Variants in INSR observed in about 807,000 individuals in gnomAD.
INSR encodes insulin receptor.
In INSR, 67 loss-of-function variants were observed where a neutral mutation model predicts 142.6. The observed-to-expected ratio is 0.47, with a 90% CI of 0.39 to 0.58. INSR has a LOEUF of 0.58. Among genes scored for constraint, INSR ranks in the 20% least tolerant of loss-of-function variants. INSR has a pLI of 0.00. For synonymous variants in INSR, 756 were observed against 743.1 expected, an observed-to-expected ratio of 1.02 and a Z score of -0.28; for missense variants, 1,248 against 1,833.2, an observed-to-expected ratio of 0.68 and a Z score of 5.83.
chr19:7,143,221 G>A (rs1300540048), intron 11 of INSR, 131 bp from the exon 12 acceptor site: 1 of 974,034 alleles, frequency 1.0e-6, no homozygotes, highest in Non-Finnish European at 1.6e-6. Flanking sequence ...TGGGGAACAT[G>A]GATTACAATA....
intron 2 of INSR, among the ~76,000 whole-genome samples, chr19:7,204,802 C>T (rs1381833512): frequency 3.9e-5 from 6 of 152,146 alleles, no homozygotes; most frequent in African/African-American, 1.2e-4. Context: ...TGGGTAGAGC[C>T]GGGCGCAGTG....
chr19:7,239,008 G>A (rs73490774), intron 2 of INSR, among the ~76,000 whole-genome samples: 5,133 of 135,088 alleles, frequency 0.038, 330 homozygotes, highest in African/African-American at 0.13. Context: ...TCAATTTTAT[G>A]ATGCATGTCC....
At position 7,119,641 on chromosome 19, in the gene INSR, C is replaced by T. The variant is rs113761062; in HGVS notation, c.3660-58G>A. 101 of 1,595,800 alleles carry T rather than the reference C, an allele frequency of 6.3e-5. 1 individual carries two copies. Among genetic ancestry groups the T allele is most frequent in the African/African-American group, 3.5e-4 (26 of 74,228 alleles). On this transcript the variant is annotated intron_variant, in intron 20 of 21. Coordinates refer to ENST00000302850, the MANE Select transcript of INSR (RefSeq NM_000208.4). The surrounding 1 kb of genome is among the most constrained non-coding windows in gnomAD (Gnocchi z 5.2). ...AGCCATTTAGACACACACACACACG[C>T]GCGCGCGCAAACACACACACGCAAA...
chr19:7,241,478 C>A (rs1976340797), intron 2 of INSR, among the ~76,000 whole-genome samples: 2 of 152,010 alleles, frequency 1.3e-5, no homozygotes. Context: ...AAAACTTTGC[C>A]AGGCATAGTG....
rs144029037 is a variant in INSR, at chr19:7,132,302, C to T, written c.2698G>A (p.Val900Ile). 4.8e-5 allele frequency: 77 copies of T among 1,614,054 alleles called. No individual in the cohort carries two copies. The highest frequency in any genetic ancestry group is 3.5e-4 in the African/African-American group (26 of 75,044). ...RYGDEELHLC[V>I]SRKHFALERG... ...TCCAGAGCGAAGTGCTTGCGGGAGA[C>T]GCAGAGATGCAGCTCCTGGGAGGAA... The change falls in exon 14 of 22, where the codon GTC becomes ATC. Residue 900 changes from valine to isoleucine, a missense_variant. Coordinates refer to ENST00000302850, the MANE Select transcript of INSR (RefSeq NM_000208.4).
At chr19:7,137,460 G>A (rs1271614134) in intron 13 of INSR, among the ~76,000 whole-genome samples, 1 of 151,846 alleles carries the variant, frequency 6.6e-6, no homozygotes, top group Non-Finnish European at 1.5e-5. Context: ...GACAACCAGG[G>A]GCTACTGGGC....
intron 9 of INSR, among the ~76,000 whole-genome samples, chr19:7,160,995 CAA>C (rs371302865): frequency 7.9e-5 from 8 of 101,788 alleles, no homozygotes; most frequent in Non-Finnish European, 1.6e-4. Flanking sequence ...GACTCCGTGT[CAA>C]AAAAAAAAAA....
intron 2 of INSR, among the ~76,000 whole-genome samples, chr19:7,242,661 C>T (rs1034019441): frequency 2.9e-5 from 4 of 137,216 alleles, no homozygotes; most frequent in Admixed American, 8.1e-5. Context: ...TGCTTGAACC[C>T]GGGAGGTGGA....
intron 2 of INSR, among the ~76,000 whole-genome samples, chr19:7,201,311 A>G (rs888948372): frequency 2.6e-5 from 4 of 152,148 alleles, no homozygotes; most frequent in African/African-American, 9.7e-5. Flanking sequence ...AATATTTCCA[A>G]AATTGTTAGT....
intron 2 of INSR, among the ~76,000 whole-genome samples, chr19:7,193,776 G>T (rs921482680): frequency 6.6e-6 from 1 of 151,862 alleles, no homozygotes. Context: ...CGTAACCTCC[G>T]CCTCCCAGGT....
intron 3 of INSR, among the ~76,000 whole-genome samples, chr19:7,182,364 T>C (rs993103467): frequency 6.6e-6 from 1 of 151,372 alleles, no homozygotes; most frequent in Non-Finnish European, 1.5e-5. Flanking sequence ...CAAAAAAAAA[T>C]TGGCCAGGCT....
intron 2 of INSR, among the ~76,000 whole-genome samples, chr19:7,243,285 G>T (rs958555676): frequency 1.1e-4 from 12 of 112,892 alleles, no homozygotes; most frequent in Non-Finnish European, 1.6e-4. Context: ...TAGCTCTACT[G>T]CCCAGGCTGG....
At chr19:7,235,377 T>A (rs1976125550) in intron 2 of INSR, among the ~76,000 whole-genome samples, 1 of 152,156 alleles carries the variant, frequency 6.6e-6, no homozygotes, top group South Asian at 2.1e-4. Flanking sequence ...CCTAAAATTA[T>A]CGCTCTCAAC....
rs1568217171 is a variant in INSR, at chr19:7,249,697, A to T, written c.652+17648T>A. ...ACTCCATCTGTACAAAAAATAAATT[A>T]AAAAAAAATTAGCGGCTGGGCGCGG... is the stretch of plus-strand genomic sequence containing the variant. On this transcript the variant is annotated intron_variant, in intron 2 of 21. Transcript: ENST00000302850. Among the ~76,000 whole-genome samples the T allele has an allele frequency of 2.6e-5, 4 of 151,664 alleles. No homozygotes were observed. The South Asian group carries it at 8.3e-4, about 32-fold the overall frequency.
Position 7,168,012 on chromosome 19 carries a change from G to A in INSR, c.1566C>T (p.Pro522=), listed in dbSNP as rs546462100. 73 of 1,613,730 alleles carry A rather than the reference G, an allele frequency of 4.5e-5. No homozygotes were observed. The highest frequency in any genetic ancestry group is 2.5e-4 in the East Asian group (11 of 44,874). The change falls in exon 7 of 22, where the codon CCC becomes CCT. Residue 522 remains proline, a synonymous_variant. Coordinates refer to ENST00000302850, the MANE Select transcript of INSR (RefSeq NM_000208.4). The surrounding 1 kb of genome is among the most constrained non-coding windows in gnomAD (Gnocchi z 4.3). ...TGAACCCCAAGAGGTCTCGGAAGTC[G>A]GGGGGCCAGTACGGCTCCCATCTCA... ...ILLRWEPYWP[P]DFRDLLGFML...
At chr19:7,257,257 C>CT (rs1449822711) in intron 2 of INSR, among the ~76,000 whole-genome samples, 2 of 151,960 alleles carry the variant, frequency 1.3e-5, no homozygotes, top group East Asian at 3.9e-4. Flanking sequence ...CCCACCTTAT[C>CT]TTTTTCTTTT....
Position 7,170,653 on chromosome 19 carries a change from T to C in INSR, c.1367A>G (p.His456Arg), listed in dbSNP as rs1973996501. The C allele has an allele frequency of 1.9e-6, 3 of 1,613,996 alleles. No homozygotes were observed. Among genetic ancestry groups the C allele is most frequent in the Non-Finnish European group, 2.5e-6 (3 of 1,179,988 alleles). The change falls in exon 6 of 22, where the codon CAC becomes CGC. Residue 456 changes from histidine (H) to arginine (R), a missense_variant. By Grantham distance (29) the His-to-Arg change is conservative. This residue lies in a region of INSR where 1,069 missense variants were observed against 1,654.0 expected (regional missense o/e 0.65). Transcript: ENST00000302850. ...TGACAAGCAGAGTTTGGGGTTATAG[T>C]GGAAGAAGAGTTTCCCCTGAGTGAT... ...LTITQGKLFFHYNPKLCLSEI... is the reference protein window; with the variant it reads ...LTITQGKLFFRYNPKLCLSEI...
chr19:7,222,127 TAAAA>T (rs57114939), intron 2 of INSR, among the ~76,000 whole-genome samples: 9 of 126,280 alleles, frequency 7.1e-5, no homozygotes, highest in African/African-American at 1.2e-4. Context: ...ATGTCCTCGG[TAAAA>T]AAAAAAAAAA....
intron 9 of INSR, among the ~76,000 whole-genome samples, chr19:7,158,615 G>A (rs1368458553): frequency 6.6e-6 from 1 of 152,170 alleles, no homozygotes; most frequent in African/African-American, 2.4e-5. Flanking sequence ...GAGAAGGGGA[G>A]TGAGTGTTTC....
Sources: gnomAD v4.1 joint callset for allele counts (sites outside exome capture counted in the v4.1 genomes callset) on GRCh38, gnomAD v4.1.1 for gene constraint, gnomAD v4.1.1 regional missense constraint, Gnocchi (gnomAD v3.1) non-coding constraint, MANE v1.5 for transcripts, NCBI Gene and HGNC (gene_info 2026-07-23, HGNC 2026-07-21) for gene names.